CTTNBP2NL: variants seen among roughly 807,000 people sequenced by gnomAD.
CTTNBP2NL encodes the protein CTTNBP2 N-terminal-like protein.
CTTNBP2NL carries 16 observed loss-of-function variants against 32.5 expected under a neutral mutation model. The observed-to-expected ratio is 0.49, with a 90% CI of 0.33 to 0.75. CTTNBP2NL has a LOEUF of 0.75. Among genes scored for constraint, CTTNBP2NL ranks in the 30% least tolerant of loss-of-function variants. CTTNBP2NL has a pLI of 0.02. For missense variants in CTTNBP2NL, 645 were observed against 756.0 expected (o/e 0.85, Z 1.72); for synonymous variants, 298 against 289.4 (o/e 1.03, Z -0.30).
chr1:112,445,376 A>G lies in CTTNBP2NL; in HGVS notation c.100-3566A>G, dbSNP rs572627132. ...ATCTCTTCATTCTTCAAATCTTAAT[A>G]TCTGTTTTGGGGTTTTTTTATTATT... On this transcript the variant is annotated intron_variant, in intron 3 of 5. Transcript: ENST00000271277. 1.3e-4 allele frequency among the ~76,000 whole-genome samples: 20 copies of G among 151,836 alleles called. No homozygotes were observed. The Middle Eastern group carries it at 0.014, about 103-fold the overall frequency.
intron 3 of CTTNBP2NL, among the ~76,000 whole-genome samples, chr1:112,435,417 C>G (rs1570735557): frequency 6.6e-6 from 1 of 152,054 alleles, no homozygotes; most frequent in African/African-American, 2.4e-5. Context: ...CAAGTAAGTA[C>G]TTCATAAGTA....
chr1:112,455,736 G>A (rs1458941613), intron 5 of CTTNBP2NL, among the ~76,000 whole-genome samples, 195 bp from the exon 6 acceptor site: 8 of 152,200 alleles, frequency 5.3e-5, no homozygotes, highest in Non-Finnish European at 1.2e-4. Context: ...GGAACTAGAA[G>A]TGCCTCCCAA....
chr1:112,443,179 C>G (rs1161214306), intron 3 of CTTNBP2NL, among the ~76,000 whole-genome samples: 1 of 152,064 alleles, frequency 6.6e-6, no homozygotes, highest in African/African-American at 2.4e-5. Context: ...CAGGTTGACT[C>G]CAGAGGGAAT....
chr1:112,393,894 A>G (rs771378405), upstream of CTTNBP2NL, among the ~76,000 whole-genome samples: 2 of 152,116 alleles, frequency 1.3e-5, no homozygotes, highest in Non-Finnish European at 2.9e-5. Context: ...GTTAACAGCT[A>G]CAAAGGGAAT....
In CTTNBP2NL at chr1:112,433,905, C is replaced by CT. The variant is rs761769737; in HGVS notation, c.100-15024dup. The stretch of plus-strand genomic sequence containing the variant: ...TTATTTTACTGAGTCTCCTTTGTGG[C>CT]TTTTTTTTTTTTTAAAGAGACGGGG... On this transcript the variant is annotated intron_variant, in intron 3 of 5. Coordinates refer to ENST00000271277, the MANE Select transcript of CTTNBP2NL (RefSeq NM_018704.3). Among the ~76,000 whole-genome samples the CT allele has an allele frequency of 4.0e-3, 553 of 139,574 alleles. 3 individuals are homozygous for CT. Among genetic ancestry groups the CT allele is most frequent in the African/African-American group, 0.012 (468 of 38,236 alleles). The allele number at this position is 139,574 out of a possible 152,430, so 91.6% of individuals were successfully genotyped here.
chr1:112,391,848 G>A (rs867042578), upstream of CTTNBP2NL, among the ~76,000 whole-genome samples: 1 of 152,052 alleles, frequency 6.6e-6, no homozygotes, highest in African/African-American at 2.4e-5. Flanking sequence ...AAAATTAGCC[G>A]GCAGTAGTGG....
Position 112,450,497 on chromosome 1 carries a change from G to A in CTTNBP2NL, c.330+1325G>A, listed in dbSNP as rs563487739. ...TAGTTGCCTAAATTGGGTGGAGGGG[G>A]AGCTTTTACATAATTCTCTAAAAAT... is the stretch of plus-strand genomic sequence containing the variant. On this transcript the variant is annotated intron_variant, in intron 4 of 5. Coordinates refer to ENST00000271277, the MANE Select transcript of CTTNBP2NL (RefSeq NM_018704.3). Among the ~76,000 whole-genome samples the A allele has an allele frequency of 4.2e-4, 64 of 152,266 alleles. 1 individual carries two copies. The South Asian group carries it at 0.013, about 31-fold the overall frequency.
At chr1:112,420,145 T>TG (rs1649181045) in intron 3 of CTTNBP2NL, among the ~76,000 whole-genome samples, 2 of 149,296 alleles carry the variant, frequency 1.3e-5, no homozygotes, top group African/African-American at 5.0e-5. Flanking sequence ...AGAGTTGGAG[T>TG]GGCTTTTTTT....
intron 3 of CTTNBP2NL, among the ~76,000 whole-genome samples, chr1:112,436,929 A>C (rs1055767028): frequency 2.0e-5 from 3 of 152,188 alleles, no homozygotes; most frequent in Non-Finnish European, 4.4e-5. Context: ...TTTGGTAAGG[A>C]TGATGGCTTC....
chr1:112,411,672 C>T (rs1019401978), intron 1 of CTTNBP2NL, among the ~76,000 whole-genome samples: 10 of 144,310 alleles, frequency 6.9e-5, no homozygotes, highest in East Asian at 2.0e-4. Flanking sequence ...TAAAAATTTC[C>T]GTTGTAATTA....
chr1:112,436,844 C>G (rs1469635291), intron 3 of CTTNBP2NL, among the ~76,000 whole-genome samples: 1 of 152,124 alleles, frequency 6.6e-6, no homozygotes, highest in East Asian at 1.9e-4. Flanking sequence ...TCTGTCGTTC[C>G]TCTCTTGATG....
chr1:112,421,240 G>A (rs548377164), intron 3 of CTTNBP2NL, among the ~76,000 whole-genome samples: 147 of 151,560 alleles, frequency 9.7e-4, no homozygotes, highest in African/African-American at 3.2e-3. Flanking sequence ...GGCTAGACTC[G>A]GACTCCTAGC....
intron 3 of CTTNBP2NL, among the ~76,000 whole-genome samples, chr1:112,419,676 G>A (rs560144165): frequency 2.0e-5 from 3 of 152,152 alleles, no homozygotes; most frequent in Non-Finnish European, 4.4e-5. Context: ...AATGAAAAAC[G>A]TAAAATTGAA....
At chr1:112,453,621 G>A (rs186551062) in intron 4 of CTTNBP2NL, among the ~76,000 whole-genome samples, 97 of 152,046 alleles carry the variant, frequency 6.4e-4, no homozygotes, top group Non-Finnish European at 1.3e-3. Context: ...GCGTGGTGGC[G>A]CACACCTGTA....
At position 112,460,803 on chromosome 1, in the gene CTTNBP2NL, T is replaced by C. The variant is rs1187412331; in HGVS notation, c.*3391T>C. ...GTTTACATATCTGAAGTTTTCAGCA[T>C]TTAAGCAAATTAATGATCATTTCAA... On this transcript the variant is annotated 3_prime_UTR_variant, in exon 6 of 6. Transcript: ENST00000271277. 2 of 152,220 alleles carry C rather than the reference T, an allele frequency of 1.3e-5. No homozygotes were observed. The highest frequency in any genetic ancestry group is 2.9e-5 in the Non-Finnish European group (2 of 68,038). The allele number at this position is 152,220 out of a possible 1,614,324, so 9.4% of individuals were successfully genotyped here. A position where few individuals can be genotyped will look rare whatever the true frequency, so the allele number is the denominator to read the frequency against.
intron 1 of CTTNBP2NL, among the ~76,000 whole-genome samples, chr1:112,405,720 C>A (rs915331055): frequency 3.9e-5 from 6 of 152,168 alleles, no homozygotes; most frequent in African/African-American, 1.4e-4. Flanking sequence ...ATCTTGCTGA[C>A]ATCATATATG....
At chr1:112,443,831 ATTG>A (rs1649963854) in intron 3 of CTTNBP2NL, among the ~76,000 whole-genome samples, 1 of 152,130 alleles carries the variant, frequency 6.6e-6, no homozygotes, top group African/African-American at 2.4e-5. Flanking sequence ...GGGTTTTCTT[ATTG>A]TTGTCATCTT....
chr1:112,412,433 T>C (rs1172370123), intron 2 of CTTNBP2NL, 116 bp downstream of exon 2: 3 of 152,126 alleles, frequency 2.0e-5, no homozygotes, highest in Non-Finnish European at 2.9e-5. Context: ...TATATTGAGA[T>C]TACATTCAAA....
chr1:112,428,989 TC>T (rs1407501281), intron 3 of CTTNBP2NL, among the ~76,000 whole-genome samples: 3 of 152,192 alleles, frequency 2.0e-5, no homozygotes, highest in Non-Finnish European at 2.9e-5. Context: ...CTTATAAAAT[TC>T]TAAAAGAATT....
Sources: gnomAD v4.1 joint callset for allele counts (sites outside exome capture counted in the v4.1 genomes callset) on GRCh38, gnomAD v4.1.1 for gene constraint, MANE v1.5 for transcripts, NCBI Gene and HGNC (gene_info 2026-07-23, HGNC 2026-07-21) for gene names.